WWOX: variants seen among roughly 807,000 people sequenced by gnomAD.
WWOX encodes the protein WW domain containing oxidoreductase.
Under a neutral mutation model 46.2 loss-of-function variants are expected in WWOX, and 69 were observed. The observed-to-expected ratio is 1.49, with a 90% CI of 1.23 to 1.82. The LOEUF (loss-of-function observed/expected upper bound fraction) is 1.82, where lower values mean the gene tolerates loss of function less well. Ranked by LOEUF, WWOX falls within the 40% of genes most tolerant of loss-of-function variation. The pLI, the probability that WWOX is intolerant of heterozygous loss-of-function variation, is 0.00. For synonymous variants in WWOX, 359 were observed against 202.6 expected (o/e 1.77, Z -6.56); for missense variants, 919 against 542.6 (o/e 1.69, Z -6.89).
intron 6 of WWOX, among the ~76,000 whole-genome samples, chr16:78,392,986 G>T (rs768361158): frequency 6.6e-6 from 1 of 152,128 alleles, no homozygotes; most frequent in African/African-American, 2.4e-5. Context: ...TCGTCGGCCA[G>T]TGTGTCTCGG....
At chr16:79,035,753 G>T (rs568659469) in intron 8 of WWOX, among the ~76,000 whole-genome samples, 1 of 151,928 alleles carries the variant, frequency 6.6e-6, no homozygotes, top group East Asian at 2.0e-4. Flanking sequence ...TGGCCAGGCT[G>T]GTGTCAAACT....
At chr16:78,201,072 C>T (rs1446650494) in intron 5 of WWOX, among the ~76,000 whole-genome samples, 3 of 152,150 alleles carry the variant, frequency 2.0e-5, no homozygotes, top group Non-Finnish European at 2.9e-5. Context: ...TTACTATGCT[C>T]GTATTAATCC....
At chr16:78,900,092 G>A (rs1257102553) in intron 8 of WWOX, among the ~76,000 whole-genome samples, 1 of 113,164 alleles carries the variant, frequency 8.8e-6, no homozygotes, top group Non-Finnish European at 1.8e-5. Context: ...TGCAGAGAGC[G>A]TTGCTGCTCC....
chr16:78,200,427 T>A (rs907920578), intron 5 of WWOX, among the ~76,000 whole-genome samples: 2 of 150,700 alleles, frequency 1.3e-5, no homozygotes, highest in Non-Finnish European at 2.9e-5. Context: ...AAAGTTTGGT[T>A]TAGATGTCTG....
chr16:78,910,148 A>T (rs575042489), intron 8 of WWOX, among the ~76,000 whole-genome samples: 3 of 148,710 alleles, frequency 2.0e-5, no homozygotes, highest in Non-Finnish European at 4.5e-5. Context: ...TCTGGGGATG[A>T]TGCTTTTTCT....
intron 8 of WWOX, among the ~76,000 whole-genome samples, chr16:79,092,374 T>C (rs2048979757): frequency 6.6e-6 from 1 of 152,228 alleles, no homozygotes; most frequent in Non-Finnish European, 1.5e-5. Flanking sequence ...GCCTAGCCTG[T>C]GGTCTTTAAT....
intron 8 of WWOX, among the ~76,000 whole-genome samples, chr16:78,809,620 C>T (rs780199323): frequency 6.6e-6 from 1 of 152,002 alleles, no homozygotes; most frequent in Non-Finnish European, 1.5e-5. Context: ...TCAGAAACTC[C>T]AGAAATTTAA....
At position 78,099,752 on chromosome 16, in the gene WWOX, G is replaced by T. The variant is rs570978891; in HGVS notation, c.-27G>T. 4.6e-6 allele frequency: 7 copies of T among 1,524,200 alleles called. No individual in the cohort carries two copies. Among genetic ancestry groups the T allele is most frequent in the Admixed American group, 2.2e-5 (1 of 45,720 alleles). 94.4% of individuals were successfully genotyped at this position (1,524,200 alleles called of 1,614,324 possible). On this transcript the variant is annotated 5_prime_UTR_variant, in exon 1 of 9. Coordinates refer to ENST00000566780, the MANE Select transcript of WWOX (RefSeq NM_016373.4). ...GAGTGGACCCGGCAGCGGGCGATAG[G>T]GGGGCCAGGTGCCTCCACAGTCAGC...
At chr16:78,572,748 C>T (rs117611703) in intron 8 of WWOX, among the ~76,000 whole-genome samples, 2,726 of 151,474 alleles carry the variant, frequency 0.018, 46 homozygotes, top group Admixed American at 0.043. Context: ...ATGAAGAATG[C>T]AAAATATGAG....
intron 8 of WWOX, among the ~76,000 whole-genome samples, chr16:78,716,339 T>G (rs78422397): frequency 0.019 from 2,964 of 152,164 alleles, 106 homozygotes; most frequent in African/African-American, 0.067. Context: ...TGTTGACACC[T>G]TGATTTCAGA....
chr16:78,618,961 T>G (rs564408725), intron 8 of WWOX, among the ~76,000 whole-genome samples: 1 of 149,530 alleles, frequency 6.7e-6, no homozygotes, highest in South Asian at 2.1e-4. Flanking sequence ...ACAAAGACTT[T>G]AAGATACTGA....
chr16:79,211,756 A>G lies in WWOX; in HGVS notation c.1205A>G (p.Glu402Gly), dbSNP rs2051763292. Residue 402 changes from glutamate (E) to glycine (G), a missense_variant, in exon 9 of 9, where the codon GAG becomes GGG. Glu to Gly is a moderately conservative substitution (Grantham distance 98). Transcript: ENST00000566780. ...GCCCGGACCCTGTGGGCGCTCAGCG[A>G]GAGGCTGATCCAAGAACGGCTTGGC... ...ETARTLWALS[E>G]RLIQERLGSQ... 2.5e-6 allele frequency: 4 copies of G among 1,614,076 alleles called. No individual in the cohort carries two copies. The highest frequency in any genetic ancestry group is 1.1e-5 in the South Asian group (1 of 91,090).
chr16:78,887,063 ATGTGTGTGTGTGTGGTGTGTGTG>A (rs1429723092), intron 8 of WWOX, among the ~76,000 whole-genome samples: 1 of 30,970 alleles, frequency 3.2e-5, no homozygotes, highest in African/African-American at 5.8e-5. Context: ...GTCTGGCTAT[ATGTGTGTGTGTGTGGTGTGTGTG>A]TGTGTGTGTG....
intron 8 of WWOX, among the ~76,000 whole-genome samples, chr16:78,992,794 G>T (rs2151349739): frequency 6.6e-6 from 1 of 152,170 alleles, no homozygotes; most frequent in East Asian, 1.9e-4. Flanking sequence ...CTCCTTGAGG[G>T]ACATAAATAG....
chr16:78,223,845 A>T (rs1222078241), intron 5 of WWOX, among the ~76,000 whole-genome samples: 1 of 152,194 alleles, frequency 6.6e-6, no homozygotes, highest in Non-Finnish European at 1.5e-5. Flanking sequence ...TTTACATGTC[A>T]AGACTATATT....
At chr16:79,181,686 C>T (rs1329602675) in intron 8 of WWOX, among the ~76,000 whole-genome samples, 1 of 152,078 alleles carries the variant, frequency 6.6e-6, no homozygotes, top group Non-Finnish European at 1.5e-5. Context: ...CTGAGATGAA[C>T]ATCTTTCTGC....
At chr16:78,855,481 A>G (rs912082530) in intron 8 of WWOX, among the ~76,000 whole-genome samples, 1 of 152,208 alleles carries the variant, frequency 6.6e-6, no homozygotes, top group Non-Finnish European at 1.5e-5. Flanking sequence ...TTCACTTTGC[A>G]GAAACTTTGG....
At chr16:78,101,636 A>G (rs2031798352) in intron 1 of WWOX, among the ~76,000 whole-genome samples, 1 of 152,036 alleles carries the variant, frequency 6.6e-6, no homozygotes, top group African/African-American at 2.4e-5. Context: ...TTCTGATTTA[A>G]TTGGTTTGGC....
At chr16:79,068,854 A>C (rs1328557920) in intron 8 of WWOX, among the ~76,000 whole-genome samples, 1 of 146,968 alleles carries the variant, frequency 6.8e-6, no homozygotes, top group African/African-American at 2.5e-5. Context: ...TAATAATAAT[A>C]ATAATAATAA....
Sources: allele counts gnomAD v4.1 joint callset (sites outside exome capture counted in the v4.1 genomes callset), GRCh38; gene constraint gnomAD v4.1.1; transcripts MANE v1.5; gene names NCBI Gene and HGNC (gene_info 2026-07-23, HGNC 2026-07-21).